The following CCSER2 variants were observed in gnomAD, a reference collection of about 807,000 sequenced individuals.
The protein encoded by CCSER2 is serine-rich coiled-coil domain-containing protein 2.
In CCSER2, 46 loss-of-function variants were observed where a neutral mutation model predicts 92.3. The ratio of observed to expected loss-of-function variants is 0.50; its 90% CI spans 0.39 to 0.64. The LOEUF (loss-of-function observed/expected upper bound fraction) is 0.64. CCSER2 is among the 30% of genes least tolerant of loss of function. The pLI, the probability that CCSER2 is intolerant of heterozygous loss-of-function variation, is 0.00. For synonymous variants in CCSER2, 433 were observed against 431.4 expected (o/e 1.00, Z -0.04); for missense variants, 1,244 against 1,238.9 (o/e 1.00, Z -0.06).
intron 1 of CCSER2, among the ~76,000 whole-genome samples, chr10:84,360,729 A>G (rs1426920024): frequency 6.6e-6 from 1 of 152,214 alleles, no homozygotes; most frequent in East Asian, 1.9e-4. Flanking sequence ...CTTGTTAAAA[A>G]TACTTTTTCC....
chr10:84,430,764 C>A (rs1843721767), intron 5 of CCSER2, among the ~76,000 whole-genome samples: 1 of 152,168 alleles, frequency 6.6e-6, no homozygotes, highest in Non-Finnish European at 1.5e-5. Flanking sequence ...TGAGATTCAG[C>A]AGTTTTTATT....
At position 84,514,209 on chromosome 10, in the gene CCSER2, C is replaced by T; in HGVS notation, c.3086C>T (p.Ser1029Phe). 2 of 1,536,498 alleles carry T rather than the reference C, an allele frequency of 1.3e-6. No homozygotes were observed. Among genetic ancestry groups the T allele is most frequent in the Non-Finnish European group, 1.7e-6 (2 of 1,146,994 alleles). ...CAGAATCCAAATGGCAATTTGCATT[C>T]TGGGGATTGTTTGGCCTCTAATCGA... is the stretch of plus-strand genomic sequence containing the variant. Reference protein sequence around the residue: ...IMQNPNGNLHSGDCLASNRYS... With the variant: ...IMQNPNGNLHFGDCLASNRYS... Residue 1029 changes from serine to phenylalanine, a missense_variant, in exon 10 of 10, where the codon TCT (serine) becomes TTT (phenylalanine). Ser to Phe is a radical substitution (Grantham distance 155). Transcript: ENST00000372088.
intron 9 of CCSER2, among the ~76,000 whole-genome samples, chr10:84,492,582 T>TG (rs1258429202): frequency 6.6e-6 from 1 of 152,236 alleles, no homozygotes; most frequent in Non-Finnish European, 1.5e-5. Context: ...CTTTCACCTT[T>TG]GGGTAGATGT....
At chr10:84,416,676 T>A (rs1310125399) in intron 3 of CCSER2, among the ~76,000 whole-genome samples, 1 of 152,038 alleles carries the variant, frequency 6.6e-6, no homozygotes, top group Non-Finnish European at 1.5e-5. Context: ...AGTCTGTAAT[T>A]CCAGCACTTT....
intron 5 of CCSER2, among the ~76,000 whole-genome samples, chr10:84,427,641 C>T (rs1487545886): frequency 6.6e-6 from 1 of 152,166 alleles, no homozygotes; most frequent in African/African-American, 2.4e-5. Context: ...TACATCCACT[C>T]ATGTTCTCAT....
rs1841537916 is a variant in CCSER2, at chr10:84,391,880, G to A, written c.1614+18065G>A. ...GTAATCCAAGATTTTATATTTTTTTGTGATGCTGTTGCATCATGGATTAAC... is the reference window on the plus strand; with the variant it reads ...GTAATCCAAGATTTTATATTTTTTTATGATGCTGTTGCATCATGGATTAAC... On this transcript the variant is annotated intron_variant, in intron 3 of 9. Transcript: ENST00000372088. 4.2e-6 allele frequency: 6 copies of A among 1,412,728 alleles called. No individual in the cohort carries two copies. In the Admixed American group the frequency reaches 8.4e-5, roughly 20 times the overall value. The allele number at this position is 1,412,728 out of a possible 1,614,324, so 87.5% of individuals were successfully genotyped here. A position where few individuals can be genotyped will look rare whatever the true frequency, so the allele number is the denominator to read the frequency against.
At chr10:84,496,081 T>G (rs971381118) in intron 9 of CCSER2, among the ~76,000 whole-genome samples, 1 of 152,040 alleles carries the variant, frequency 6.6e-6, no homozygotes, top group Non-Finnish European at 1.5e-5. Context: ...GTTTTAGTTG[T>G]TGCTGTAGGC....
At chr10:84,490,499 A>G (rs958274580) in intron 9 of CCSER2, among the ~76,000 whole-genome samples, 3 of 152,114 alleles carry the variant, frequency 2.0e-5, no homozygotes, top group South Asian at 2.1e-4. Flanking sequence ...TTGATCTTCA[A>G]TCACTGATAC....
chr10:84,396,963 C>T (rs932628381), intron 3 of CCSER2, among the ~76,000 whole-genome samples: 1 of 152,188 alleles, frequency 6.6e-6, no homozygotes, highest in Admixed American at 6.6e-5. Flanking sequence ...TTATAAACTG[C>T]CGTAATGACT....
chr10:84,435,136 T>C (rs1471007073), intron 5 of CCSER2, among the ~76,000 whole-genome samples: 1 of 152,178 alleles, frequency 6.6e-6, no homozygotes, highest in Non-Finnish European at 1.5e-5. Context: ...ACCTAAGGCA[T>C]ATAAACTTTG....
intron 5 of CCSER2, among the ~76,000 whole-genome samples, chr10:84,437,621 C>T (rs1844253448): frequency 6.6e-6 from 1 of 151,926 alleles, no homozygotes; most frequent in Non-Finnish European, 1.5e-5. Context: ...CTTTTTACTC[C>T]CATGAAACAC....
chr10:84,436,325 C>CAAAAAAAAAAAAAA (rs1160681619), intron 5 of CCSER2, among the ~76,000 whole-genome samples: 1 of 14,340 alleles, frequency 7.0e-5, no homozygotes, highest in Non-Finnish European at 1.0e-4. Context: ...GACTCCGTCT[C>CAAAAAAAAAAAAAA]AAAAAAAAAA....
chr10:84,403,904 A>G lies in CCSER2; in HGVS notation c.1615-13867A>G, dbSNP rs60324522. The stretch of plus-strand genomic sequence containing the variant: ...GCTGGAAAAAGCCTCTTTGTGCTCT[A>G]GAAGATAACAAATGAGAGACAGAGT... On this transcript the variant is annotated intron_variant, in intron 3 of 9. Transcript: ENST00000372088. Among the ~76,000 whole-genome samples, 1,058 of 152,330 alleles carry G rather than the reference A, an allele frequency of 6.9e-3. 9 individuals are homozygous for G. The highest frequency in any genetic ancestry group is 0.024 in the African/African-American group (995 of 41,574).
intron 1 of CCSER2, among the ~76,000 whole-genome samples, chr10:84,341,943 T>TA (rs1200870561): frequency 5.9e-5 from 9 of 152,224 alleles, no homozygotes; most frequent in Admixed American, 4.6e-4. Context: ...ACTCTCCAGA[T>TA]ATCTCCACGT....
intron 3 of CCSER2, chr10:84,391,410 A>C: frequency 6.6e-7 from 1 of 1,520,118 alleles, no homozygotes. Context: ...ATGCAGGATA[A>C]AATGCTAGAA....
chr10:84,461,417 A>G (rs999809578), intron 6 of CCSER2, among the ~76,000 whole-genome samples: 1 of 152,072 alleles, frequency 6.6e-6, no homozygotes, highest in Non-Finnish European at 1.5e-5. Context: ...TGTGACTTCA[A>G]TGACAGGAGT....
intron 3 of CCSER2, among the ~76,000 whole-genome samples, chr10:84,382,518 T>C (rs2133218579): frequency 6.6e-6 from 1 of 152,298 alleles, no homozygotes; most frequent in African/African-American, 2.4e-5. Context: ...GGCAAAAACA[T>C]TTTTTTCTCT....
At chr10:84,367,797 T>C (rs1449051562) in intron 1 of CCSER2, among the ~76,000 whole-genome samples, 1 of 152,148 alleles carries the variant, frequency 6.6e-6, no homozygotes, top group Non-Finnish European at 1.5e-5. Context: ...TGTTTTGTCT[T>C]TTCATCTTTG....
intron 9 of CCSER2, among the ~76,000 whole-genome samples, chr10:84,486,012 C>G (rs577546576): frequency 5.3e-5 from 8 of 152,122 alleles, no homozygotes; most frequent in Admixed American, 1.3e-4. Context: ...TTTGTTCTTG[C>G]GATAGTTTGC....
Sources: allele counts gnomAD v4.1 joint callset (sites outside exome capture counted in the v4.1 genomes callset), GRCh38; gene constraint gnomAD v4.1.1; transcripts MANE v1.5; gene names NCBI Gene and HGNC (gene_info 2026-07-23, HGNC 2026-07-21).